Variants in SLC26A7 observed in about 807,000 individuals in gnomAD.
SLC26A7 encodes solute carrier family 26 member 7.
In SLC26A7, 59 loss-of-function variants were observed where a neutral mutation model predicts 82.5. The ratio of observed to expected loss-of-function variants is 0.72; its 90% CI spans 0.58 to 0.89. SLC26A7 has a LOEUF of 0.89. SLC26A7 is among the 40% of genes least tolerant of loss of function. SLC26A7 has a pLI of 0.00. For synonymous variants in SLC26A7, 271 were observed against 274.3 expected, an observed-to-expected ratio of 0.99 and a Z score of 0.12; for missense variants, 820 against 793.0, an observed-to-expected ratio of 1.03 and a Z score of -0.41.
chr8:91,267,477 T>C (rs887188813), intron 2 of SLC26A7, among the ~76,000 whole-genome samples: 23 of 151,982 alleles, frequency 1.5e-4, no homozygotes, highest in African/African-American at 4.8e-4. Context: ...TTCTTCATGA[T>C]TCAATCTTGG....
intron 2 of SLC26A7, among the ~76,000 whole-genome samples, chr8:91,236,468 T>A (rs1374414983): frequency 1.3e-5 from 2 of 152,196 alleles, no homozygotes; most frequent in Non-Finnish European, 2.9e-5. Context: ...GTGTGCATCA[T>A]TTTAATGAGA....
chr8:91,317,611 G>C (rs1451238593), intron 4 of SLC26A7, among the ~76,000 whole-genome samples: 4 of 152,150 alleles, frequency 2.6e-5, no homozygotes, highest in African/African-American at 9.7e-5. Flanking sequence ...TGGTCAAAGA[G>C]TATGTTCCCA....
At position 91,345,344 on chromosome 8, in the gene SLC26A7, G is replaced by C. The variant is rs187313442; in HGVS notation, c.1140+1878G>C. On this transcript the variant is annotated intron_variant, in intron 9 of 18. Transcript: ENST00000276609. ...CAATAAACATAGTGAGTGGTTCAGC[G>C]TTGGGCTCCAGAGCCTGGGCTTGTA... Among the ~76,000 whole-genome samples the C allele has an allele frequency of 6.6e-5, 10 of 152,238 alleles. No individual in the cohort carries two copies. The East Asian group carries it at 1.9e-3, about 29-fold the overall frequency.
chr8:91,281,191 T>TA (rs1201642084), intron 2 of SLC26A7, among the ~76,000 whole-genome samples: 2 of 152,194 alleles, frequency 1.3e-5, no homozygotes, highest in Non-Finnish European at 2.9e-5. Context: ...CAAAGATATA[T>TA]AAAAAAACAC....
intron 2 of SLC26A7, among the ~76,000 whole-genome samples, chr8:91,285,350 G>A (rs542564231): frequency 5.3e-5 from 8 of 152,348 alleles, no homozygotes; most frequent in East Asian, 3.9e-4. Flanking sequence ...TTCACATGGC[G>A]TTCACACGCC....
chr8:91,263,156 T>G (rs565384260), intron 2 of SLC26A7, among the ~76,000 whole-genome samples: 19 of 152,168 alleles, frequency 1.2e-4, no homozygotes, highest in Non-Finnish European at 2.5e-4. Flanking sequence ...CTAATTAGAT[T>G]CATAATATAT....
intron 11 of SLC26A7, among the ~76,000 whole-genome samples, chr8:91,358,329 CTTTTTT>C (rs71273702): frequency 4.5e-5 from 6 of 133,354 alleles, no homozygotes; most frequent in African/African-American, 1.7e-4. Context: ...TTTTCTTTTT[CTTTTTT>C]TTTTTTTTTT....
At chr8:91,227,135 T>C (rs559970444) in intron 2 of SLC26A7, among the ~76,000 whole-genome samples, 1 of 152,356 alleles carries the variant, frequency 6.6e-6, no homozygotes, top group African/African-American at 2.4e-5. Flanking sequence ...CAATCTGTAA[T>C]CCATCTGAAA....
intron 1 of SLC26A7, among the ~76,000 whole-genome samples, chr8:91,213,720 A>C (rs1809980196): frequency 6.6e-6 from 1 of 152,200 alleles, no homozygotes; most frequent in Non-Finnish European, 1.5e-5. Flanking sequence ...AAGTGCCTAG[A>C]AACACAGGAC....
At chr8:91,247,639 C>T (rs1586318380), upstream of SLC26A7, among the ~76,000 whole-genome samples, 1 of 152,056 alleles carries the variant, frequency 6.6e-6, no homozygotes, top group South Asian at 2.1e-4. Flanking sequence ...TTAATTTCTA[C>T]CCTCTCTTGG....
intron 5 of SLC26A7, among the ~76,000 whole-genome samples, chr8:91,325,415 T>C (rs1812904380): frequency 6.6e-6 from 1 of 152,078 alleles, no homozygotes; most frequent in Non-Finnish European, 1.5e-5. Flanking sequence ...TGAAAATTCC[T>C]CTCCCTTCAG....
At chr8:91,371,679 G>A (rs190370477) in intron 15 of SLC26A7, among the ~76,000 whole-genome samples, 2 of 152,036 alleles carry the variant, frequency 1.3e-5, no homozygotes, top group East Asian at 3.9e-4. Context: ...GAATAGTACT[G>A]TGATAAACAT....
At chr8:91,272,165 T>C (rs1811290753) in intron 2 of SLC26A7, among the ~76,000 whole-genome samples, 1 of 152,226 alleles carries the variant, frequency 6.6e-6, no homozygotes, top group Admixed American at 6.5e-5. Flanking sequence ...TTCATCTACC[T>C]GATAGTCAGG....
At chr8:91,383,047 A>G (rs1454590719) in intron 15 of SLC26A7, among the ~76,000 whole-genome samples, 2 of 152,096 alleles carry the variant, frequency 1.3e-5, no homozygotes, top group Non-Finnish European at 2.9e-5. Context: ...TAAAATTGAG[A>G]TTCAAGAGGA....
At chr8:91,364,735 C>T (rs916953508) in intron 13 of SLC26A7, among the ~76,000 whole-genome samples, 2 of 152,130 alleles carry the variant, frequency 1.3e-5, no homozygotes, top group African/African-American at 4.8e-5. Flanking sequence ...TAATCCTTAA[C>T]TTCTTCTTGG....
At chr8:91,271,135 T>C (rs537320995) in intron 2 of SLC26A7, among the ~76,000 whole-genome samples, 11 of 152,334 alleles carry the variant, frequency 7.2e-5, no homozygotes, top group South Asian at 2.1e-4. Context: ...TGCCCAAATA[T>C]TATTTTTCTC....
chr8:91,251,076 T>C (rs1810644275), intron 2 of SLC26A7, among the ~76,000 whole-genome samples: 1 of 152,050 alleles, frequency 6.6e-6, no homozygotes, highest in Non-Finnish European at 1.5e-5. Context: ...AGTTTCAGCA[T>C]GCTATAAATT....
At chr8:91,321,417 C>G (rs1465912851) in intron 5 of SLC26A7, among the ~76,000 whole-genome samples, 2 of 152,162 alleles carry the variant, frequency 1.3e-5, no homozygotes, top group African/African-American at 4.8e-5. Flanking sequence ...GTGGTTGGGC[C>G]GCTCTTTCTC....
chr8:91,370,110 C>T (rs1232159365), intron 15 of SLC26A7, among the ~76,000 whole-genome samples: 1 of 151,808 alleles, frequency 6.6e-6, no homozygotes, highest in Non-Finnish European at 1.5e-5. Context: ...CACTTCTTCT[C>T]CTGTCTTCTC....
Sources: gnomAD v4.1 joint callset for allele counts (sites outside exome capture counted in the v4.1 genomes callset) on GRCh38, gnomAD v4.1.1 for gene constraint, MANE v1.5 for transcripts, NCBI Gene and HGNC (gene_info 2026-07-23, HGNC 2026-07-21) for gene names.